Variants in AKT3 observed in about 807,000 individuals in gnomAD.
AKT3 encodes the protein RAC-gamma serine/threonine-protein kinase.
AKT3 carries 15 observed loss-of-function variants against 65.3 expected under a neutral mutation model. The ratio of observed to expected loss-of-function variants is 0.23; its 90% CI spans 0.15 to 0.35. The LOEUF is 0.35. Ranked by LOEUF, AKT3 falls within the 10% of genes least tolerant of loss-of-function variation. The pLI, the probability that AKT3 is intolerant of heterozygous loss-of-function variation, is 1.00. For synonymous variants in AKT3, 206 were observed against 183.8 expected (o/e 1.12, Z -0.98); for missense variants, 243 against 576.5 (o/e 0.42, Z 5.92).
intron 4 of AKT3, among the ~76,000 whole-genome samples, chr1:243,661,035 A>C (rs1370376588): frequency 1.2e-4 from 18 of 152,226 alleles, no homozygotes; most frequent in South Asian, 4.1e-4. Flanking sequence ...GAACTACAAA[A>C]CACTGCTCAA....
chr1:243,771,096 T>TTGTATATGTAAAA (rs1345992411), intron 2 of AKT3, among the ~76,000 whole-genome samples: 1 of 152,146 alleles, frequency 6.6e-6, no homozygotes, highest in Non-Finnish European at 1.5e-5. Flanking sequence ...TGTGCAAATG[T>TTGTATATGTAAAA]TGTATATGTA....
At chr1:243,489,198 C>CTT in intron 13 of AKT3, 1 of 1,591,888 alleles carries the variant, frequency 6.3e-7, no homozygotes, top group South Asian at 1.1e-5. Flanking sequence ...ACAGGTGGAT[C>CTT]TTTTATGCAC....
intron 11 of AKT3, among the ~76,000 whole-genome samples, chr1:243,551,284 C>A (rs552560650): frequency 6.6e-6 from 1 of 152,096 alleles, no homozygotes; most frequent in African/African-American, 2.4e-5. Context: ...CAACAAGGCT[C>A]CTGAAAAAGC....
At chr1:243,561,660 C>T (rs1673792516) in intron 10 of AKT3, among the ~76,000 whole-genome samples, 1 of 152,134 alleles carries the variant, frequency 6.6e-6, no homozygotes, top group Admixed American at 6.6e-5. Context: ...GTTACCCTCA[C>T]ACATCAAATA....
chr1:243,573,091 T>A, intron 8 of AKT3, 43 bp from the exon 9 acceptor site: 1 of 1,602,130 alleles, frequency 6.2e-7, no homozygotes, highest in South Asian at 1.1e-5. Flanking sequence ...TAATTACTGA[T>A]TTAGTGGGGG....
chr1:243,595,207 C>A (rs923411408), intron 8 of AKT3, among the ~76,000 whole-genome samples: 1 of 152,140 alleles, frequency 6.6e-6, no homozygotes, highest in Admixed American at 6.5e-5. Flanking sequence ...ATACTCTAGG[C>A]AGGTGTAACA....
chr1:243,577,911 G>A (rs1014043714), intron 8 of AKT3, among the ~76,000 whole-genome samples: 3 of 152,164 alleles, frequency 2.0e-5, no homozygotes, highest in Non-Finnish European at 4.4e-5. Flanking sequence ...AGACATTTAT[G>A]TGACCAACAA....
intron 6 of AKT3, among the ~76,000 whole-genome samples, chr1:243,617,329 T>C (rs1453310267): frequency 6.6e-6 from 1 of 152,062 alleles, no homozygotes; most frequent in Non-Finnish European, 1.5e-5. Flanking sequence ...CTACAGTTAA[T>C]GAGCATCACA....
At chr1:243,780,705 T>C (rs950623674) in intron 2 of AKT3, among the ~76,000 whole-genome samples, 4 of 151,874 alleles carry the variant, frequency 2.6e-5, no homozygotes, top group Non-Finnish European at 4.4e-5. Flanking sequence ...ATTTGAGTAA[T>C]GAGCATATAA....
At chr1:243,835,367 C>G (rs925921903) in intron 2 of AKT3, among the ~76,000 whole-genome samples, 3 of 152,048 alleles carry the variant, frequency 2.0e-5, no homozygotes, top group African/African-American at 4.8e-5. Flanking sequence ...TTAAAACTAC[C>G]TATAGGGTAC....
intron 2 of AKT3, among the ~76,000 whole-genome samples, chr1:243,713,158 A>G (rs950745601): frequency 6.6e-5 from 10 of 152,228 alleles, no homozygotes; most frequent in African/African-American, 2.2e-4. Flanking sequence ...TCATGTATGC[A>G]TTAAGATCAC....
intron 2 of AKT3, among the ~76,000 whole-genome samples, chr1:243,712,893 C>T (rs2148079413): frequency 6.6e-6 from 1 of 152,146 alleles, no homozygotes; most frequent in East Asian, 1.9e-4. Flanking sequence ...ATACAACCAA[C>T]TCATTAATGC....
intron 2 of AKT3, among the ~76,000 whole-genome samples, chr1:243,751,953 C>G (rs936080218): frequency 2.6e-5 from 4 of 152,076 alleles, no homozygotes; most frequent in African/African-American, 9.7e-5. Flanking sequence ...CCCACTCAAC[C>G]AAAACTCTAC....
At chr1:243,489,558 A>C (rs1665870919) in intron 13 of AKT3, among the ~76,000 whole-genome samples, 2 of 152,180 alleles carry the variant, frequency 1.3e-5, no homozygotes, top group Non-Finnish European at 2.9e-5. Context: ...CCAATTAGCA[A>C]AGTCGTCTTG....
chr1:243,496,825 G>A (rs558255954), downstream of AKT3, among the ~76,000 whole-genome samples: 10 of 152,384 alleles, frequency 6.6e-5, no homozygotes, highest in South Asian at 2.1e-4. Flanking sequence ...AGGGTTTGTG[G>A]AGAGATGACT....
chr1:243,675,575 T>C (rs1428093087), intron 3 of AKT3, among the ~76,000 whole-genome samples: 1 of 152,230 alleles, frequency 6.6e-6, no homozygotes, highest in African/African-American at 2.4e-5. Context: ...CTCTCCTTCG[T>C]TTTGCTGGTA....
intron 2 of AKT3, among the ~76,000 whole-genome samples, chr1:243,812,719 A>G (rs1572393433): frequency 6.6e-6 from 1 of 152,214 alleles, no homozygotes; most frequent in Non-Finnish European, 1.5e-5. Context: ...ACACATGCAC[A>G]CGTATGTTTA....
At chr1:243,604,639 C>T (rs776361773) in intron 8 of AKT3, among the ~76,000 whole-genome samples, 1 of 152,144 alleles carries the variant, frequency 6.6e-6, no homozygotes, top group Non-Finnish European at 1.5e-5. Context: ...GCACCCTTTG[C>T]TTTCCTTTCC....
chr1:243,816,159 T>A (rs900896839), intron 2 of AKT3, among the ~76,000 whole-genome samples: 1 of 152,150 alleles, frequency 6.6e-6, no homozygotes, highest in African/African-American at 2.4e-5. Flanking sequence ...GGCTTATAAT[T>A]CCATTTCTGG....
Sources: gnomAD v4.1 joint callset for allele counts (sites outside exome capture counted in the v4.1 genomes callset) on GRCh38, gnomAD v4.1.1 for gene constraint, MANE v1.5 for transcripts, NCBI Gene and HGNC (gene_info 2026-07-23, HGNC 2026-07-21) for gene names.